UIMC1: variants seen among roughly 807,000 people sequenced by gnomAD.
UIMC1 encodes the protein BRCA1-A complex subunit RAP80.
A neutral mutation model predicts 84.9 loss-of-function variants in UIMC1; 42 were observed. The observed-to-expected ratio is 0.49, with a 90% CI of 0.39 to 0.64. The LOEUF is 0.64. Ranked by LOEUF, UIMC1 falls within the 30% of genes least tolerant of loss-of-function variation. The probability of loss-of-function intolerance (pLI) is 0.00; values close to 1 mark genes in which losing one functional copy is unlikely to be tolerated. For synonymous variants in UIMC1, 281 were observed against 293.0 expected, an observed-to-expected ratio of 0.96 and a Z score of 0.42; for missense variants, 825 against 847.6, an observed-to-expected ratio of 0.97 and a Z score of 0.33.
chr5:176,977,402 C>T (rs1770268967), intron 2 of UIMC1, among the ~76,000 whole-genome samples: 1 of 151,706 alleles, frequency 6.6e-6, no homozygotes, highest in Admixed American at 6.6e-5. Flanking sequence ...AATCACTATC[C>T]AAAACGTGCG....
chr5:177,000,951 T>C (rs1195043268), intron 1 of UIMC1, among the ~76,000 whole-genome samples: 2 of 152,202 alleles, frequency 1.3e-5, no homozygotes, highest in East Asian at 3.8e-4. Context: ...TTTTCTCCTA[T>C]CCTGTGGGTT....
intron 10 of UIMC1, among the ~76,000 whole-genome samples, chr5:176,921,839 C>T (rs997723398): frequency 6.6e-6 from 1 of 152,174 alleles, no homozygotes; most frequent in African/African-American, 2.4e-5. Context: ...ACATCATTCC[C>T]TCGTTCTCAA....
At chr5:176,934,641 T>C (rs1763505371) in intron 10 of UIMC1, among the ~76,000 whole-genome samples, 1 of 152,224 alleles carries the variant, frequency 6.6e-6, no homozygotes, top group Non-Finnish European at 1.5e-5. Flanking sequence ...TTACAGAATT[T>C]TCTGACAGAT....
chr5:176,956,163 C>A, intron 7 of UIMC1, 128 bp from the exon 8 acceptor site: 1 of 746,922 alleles, frequency 1.3e-6, no homozygotes, highest in East Asian at 2.8e-5. Context: ...ACCACAAAAG[C>A]ACAATAGGAA....
intron 1 of UIMC1, among the ~76,000 whole-genome samples, chr5:176,988,400 A>G (rs552404176): frequency 2.0e-5 from 3 of 152,282 alleles, no homozygotes; most frequent in African/African-American, 7.2e-5. Flanking sequence ...AAAACATGCC[A>G]AGCGAAAGAA....
At chr5:176,956,225 T>A (rs537182705) in intron 7 of UIMC1, among the ~76,000 whole-genome samples, 190 bp from the exon 8 acceptor site, 58 of 152,326 alleles carry the variant, frequency 3.8e-4, no homozygotes, top group African/African-American at 1.4e-3. Flanking sequence ...AAAATAAATA[T>A]GCTTACAACT....
At chr5:176,939,796 A>G (rs1764195995) in intron 10 of UIMC1, among the ~76,000 whole-genome samples, 1 of 152,216 alleles carries the variant, frequency 6.6e-6, no homozygotes, top group Admixed American at 6.5e-5. Flanking sequence ...TCCCTATGAA[A>G]AAGAAAGTGT....
intron 1 of UIMC1, among the ~76,000 whole-genome samples, chr5:176,995,695 T>C (rs1037776618): frequency 6.6e-6 from 1 of 151,322 alleles, no homozygotes; most frequent in Non-Finnish European, 1.5e-5. Context: ...CACAAAAAAT[T>C]AGCCAGGCAT....
intron 10 of UIMC1, among the ~76,000 whole-genome samples, chr5:176,930,136 T>G (rs1332421956): frequency 6.6e-6 from 1 of 152,166 alleles, no homozygotes; most frequent in Non-Finnish European, 1.5e-5. Context: ...AACTAGAATA[T>G]TGCCAAAACT....
intron 10 of UIMC1, among the ~76,000 whole-genome samples, chr5:176,920,898 A>C (rs1428183316): frequency 1.3e-5 from 2 of 152,132 alleles, no homozygotes; most frequent in Non-Finnish European, 2.9e-5. Flanking sequence ...ATTAAGTATG[A>C]TATTAGCTGT....
chr5:176,957,447 T>G (rs1766744068), intron 7 of UIMC1, among the ~76,000 whole-genome samples: 1 of 152,166 alleles, frequency 6.6e-6, no homozygotes, highest in African/African-American at 2.4e-5. Flanking sequence ...TATCTATTAT[T>G]AAAGTAAGAA....
chr5:176,988,830 T>C (rs542136906), intron 1 of UIMC1, among the ~76,000 whole-genome samples: 2 of 152,056 alleles, frequency 1.3e-5, no homozygotes, highest in African/African-American at 4.8e-5. Flanking sequence ...GCTACAGGCA[T>C]GTGCCACCAC....
At position 176,969,030 on chromosome 5, in the gene UIMC1, G is replaced by A; in HGVS notation, c.725C>T (p.Ala242Val). ...GCTACCCTGGACAGCTTTGAGAAAA[G>A]CAGAACCCCTCCCAGTACTTTCCTG... ...KPQESTGRGS[A>V]FLKAVQGSGD... Residue 242 changes from alanine to valine, a missense_variant, in exon 6 of 15, where the codon GCT (alanine) becomes GTT (valine). Transcript: ENST00000511320. 32 of 1,614,202 alleles carry A rather than the reference G, an allele frequency of 2.0e-5. No individual in the cohort carries two copies. Among genetic ancestry groups the A allele is most frequent in the Non-Finnish European group, 2.6e-5 (31 of 1,180,024 alleles).
In UIMC1 at chr5:176,969,058, G is replaced by A. The variant is rs1229197644; in HGVS notation, c.697C>T (p.Pro233Ser). 51 of 1,614,166 alleles carry A rather than the reference G, an allele frequency of 3.2e-5. No individual in the cohort carries two copies. The highest frequency in any genetic ancestry group is 4.3e-5 in the Non-Finnish European group (51 of 1,180,022). The change falls in exon 6 of 15, where the codon CCA (proline) becomes TCA (serine). Residue 233 changes from proline (P) to serine (S), a missense_variant. Physicochemically the swap from Pro to Ser is moderately conservative, Grantham distance 74. Coordinates refer to ENST00000511320, the MANE Select transcript of UIMC1 (RefSeq NM_001199298.2). ...GAACCCCTCCCAGTACTTTCCTGTG[G>A]CTTCCCACACTGTGTGTGCTCAGCC... ...HSAEHTQCGK[P>S]QESTGRGSAF...
At chr5:176,991,143 G>A (rs1312176995) in intron 1 of UIMC1, among the ~76,000 whole-genome samples, 1 of 151,854 alleles carries the variant, frequency 6.6e-6, no homozygotes, top group African/African-American at 2.4e-5. Context: ...GAGTAGCTGG[G>A]ATTACAGGCG....
At chr5:176,923,898 C>T (rs1322475149) in intron 10 of UIMC1, among the ~76,000 whole-genome samples, 75 of 126,732 alleles carry the variant, frequency 5.9e-4, no homozygotes, top group African/African-American at 2.9e-3. Context: ...TACACACACA[C>T]AGACACACAC....
At chr5:176,991,759 C>A (rs1772875597) in intron 1 of UIMC1, among the ~76,000 whole-genome samples, 1 of 151,652 alleles carries the variant, frequency 6.6e-6, no homozygotes. Context: ...GGTGAAACCC[C>A]AAGTCTACTA....
intron 10 of UIMC1, 60 bp from the exon 11 acceptor site, chr5:176,911,449 T>C: frequency 8.1e-7 from 1 of 1,233,096 alleles, no homozygotes. Flanking sequence ...ACTCTGAATA[T>C]AAAAGACAAA....
intron 8 of UIMC1, among the ~76,000 whole-genome samples, chr5:176,951,878 A>G (rs1004565500): frequency 6.6e-6 from 1 of 152,236 alleles, no homozygotes; most frequent in Non-Finnish European, 1.5e-5. Context: ...CCAACACCCC[A>G]AAAAGTTCTC....
Sources: gnomAD v4.1 joint callset for allele counts (sites outside exome capture counted in the v4.1 genomes callset) on GRCh38, gnomAD v4.1.1 for gene constraint, MANE v1.5 for transcripts, NCBI Gene and HGNC (gene_info 2026-07-23, HGNC 2026-07-21) for gene names.